The following AGBL1 variants were observed in gnomAD, a reference collection of about 807,000 sequenced individuals.
AGBL1 encodes the protein cytosolic carboxypeptidase 4.
A neutral mutation model predicts 118.9 loss-of-function variants in AGBL1; 130 were observed. That is an observed-to-expected ratio of 1.09 (90% CI 0.95 to 1.26). The LOEUF (loss-of-function observed/expected upper bound fraction) is 1.26. AGBL1 is among the 50% of genes most tolerant of loss of function. The pLI is 0.00. For missense variants in AGBL1, 1,584 were observed against 1,298.1 expected, an observed-to-expected ratio of 1.22 and a Z score of -3.38; for synonymous variants, 555 against 478.9, an observed-to-expected ratio of 1.16 and a Z score of -2.08.
At chr15:86,112,336 A>T (rs931562595) in intron 1 of AGBL1, among the ~76,000 whole-genome samples, 1 of 152,172 alleles carries the variant, frequency 6.6e-6, no homozygotes, top group African/African-American at 2.4e-5. Flanking sequence ...CTTTGCATTT[A>T]TCCGTTTATA....
chr15:86,380,905 C>A (rs2081105412), intron 17 of AGBL1, among the ~76,000 whole-genome samples: 1 of 151,700 alleles, frequency 6.6e-6, no homozygotes, highest in Admixed American at 6.6e-5. Context: ...ACTCACTACT[C>A]TTTGTTGTTC....
At chr15:86,132,060 ATTGGGGT>A (rs1373830576) in intron 1 of AGBL1, among the ~76,000 whole-genome samples, 1 of 152,152 alleles carries the variant, frequency 6.6e-6, no homozygotes. Flanking sequence ...AGCGCTTCAG[ATTGGGGT>A]AGGGAAGACC....
At chr15:86,196,888 C>A (rs2077820663) in intron 5 of AGBL1, among the ~76,000 whole-genome samples, 1 of 142,140 alleles carries the variant, frequency 7.0e-6, no homozygotes, top group African/African-American at 2.7e-5. Context: ...CGCACACACA[C>A]ACACACACAC....
chr15:86,935,610 A>G (rs2080661800), intron 23 of AGBL1, among the ~76,000 whole-genome samples: 1 of 152,152 alleles, frequency 6.6e-6, no homozygotes, highest in African/African-American at 2.4e-5. Context: ...TCTAATTGGA[A>G]CTTATTTTTC....
intron 21 of AGBL1, among the ~76,000 whole-genome samples, chr15:86,620,223 G>A (rs375999829): frequency 6.6e-6 from 1 of 152,166 alleles, no homozygotes; most frequent in Non-Finnish European, 1.5e-5. Context: ...GAGGATCAGG[G>A]CAGGAGGATT....
At chr15:86,564,381 C>T (rs1179780685) in intron 21 of AGBL1, among the ~76,000 whole-genome samples, 3 of 152,170 alleles carry the variant, frequency 2.0e-5, no homozygotes, top group Non-Finnish European at 4.4e-5. Flanking sequence ...ATTTCTCCTT[C>T]ATTTATGAAG....
chr15:86,931,762 T>A (rs1238806758), intron 23 of AGBL1, among the ~76,000 whole-genome samples: 1 of 152,224 alleles, frequency 6.6e-6, no homozygotes, highest in Admixed American at 6.5e-5. Flanking sequence ...TATTTGCTTC[T>A]TAAAACAAGC....
chr15:86,756,957 T>C (rs1488421536), intron 22 of AGBL1, among the ~76,000 whole-genome samples: 10 of 150,620 alleles, frequency 6.6e-5, no homozygotes, highest in African/African-American at 2.2e-4. Flanking sequence ...TTTTTTTTTT[T>C]CTCCCCATCC....
At chr15:86,766,408 G>A (rs1160240487) in intron 22 of AGBL1, among the ~76,000 whole-genome samples, 2 of 151,948 alleles carry the variant, frequency 1.3e-5, no homozygotes, top group African/African-American at 4.8e-5. Context: ...GGTATAAATG[G>A]AGGATTTTGT....
intron 17 of AGBL1, among the ~76,000 whole-genome samples, chr15:86,327,087 A>G (rs1317442260): frequency 6.6e-6 from 1 of 152,194 alleles, no homozygotes; most frequent in African/African-American, 2.4e-5. Context: ...GGACAGAGGT[A>G]AAGGATCAGT....
chr15:86,240,817 G>C (rs1188948967), intron 6 of AGBL1, among the ~76,000 whole-genome samples: 2 of 152,072 alleles, frequency 1.3e-5, no homozygotes, highest in African/African-American at 4.8e-5. Context: ...TATAGCTGGA[G>C]GTAATTTCTG....
intron 22 of AGBL1, among the ~76,000 whole-genome samples, chr15:86,903,217 T>G (rs1251690315): frequency 6.6e-6 from 1 of 152,068 alleles, no homozygotes; most frequent in African/African-American, 2.4e-5. Context: ...TTTATCTAGC[T>G]TTTGATATTT....
intron 20 of AGBL1, among the ~76,000 whole-genome samples, chr15:86,550,426 A>T (rs1363315621): frequency 1.3e-5 from 2 of 152,160 alleles, no homozygotes; most frequent in African/African-American, 4.8e-5. Context: ...TTAAAAGTTA[A>T]AAGATGGGAA....
chr15:86,665,250 T>C (rs765507788), intron 21 of AGBL1, among the ~76,000 whole-genome samples: 15 of 152,202 alleles, frequency 9.9e-5, no homozygotes, highest in Non-Finnish European at 1.9e-4. Context: ...ATTTTACGAT[T>C]ATTTCCTTAA....
rs188070481 is a variant in AGBL1 at position 86,737,841 on chromosome 15, T to C, written c.3158+63405T>C. On this transcript the variant is annotated intron_variant, in intron 22 of 22. Coordinates refer to ENST00000614907, the MANE Select transcript of AGBL1 (RefSeq NM_001386094.1). Reference sequence around the variant, plus strand: ...AATGTGCAGTATTTTAAAATGTAAATGGGCTTCATGAAATTAACTTTTTCT... The same window carrying C: ...AATGTGCAGTATTTTAAAATGTAAACGGGCTTCATGAAATTAACTTTTTCT... Among the ~76,000 whole-genome samples the C allele has an allele frequency of 3.6e-4, 55 of 152,318 alleles. 1 individual carries two copies. The East Asian group carries it at 0.011, about 29-fold the overall frequency.
intron 18 of AGBL1, among the ~76,000 whole-genome samples, chr15:86,407,525 C>G (rs1301048339): frequency 6.6e-6 from 1 of 152,042 alleles, no homozygotes; most frequent in African/African-American, 2.4e-5. Flanking sequence ...AAAATGTGGC[C>G]CTCCAGGTAA....
intron 17 of AGBL1, among the ~76,000 whole-genome samples, chr15:86,361,458 T>G (rs964664281): frequency 2.6e-5 from 4 of 152,222 alleles, no homozygotes; most frequent in Non-Finnish European, 4.4e-5. Context: ...TTCTGTTAGG[T>G]TCATTCAGTC....
At chr15:86,827,400 T>TAC (rs1567194629) in intron 22 of AGBL1, among the ~76,000 whole-genome samples, 1 of 8,556 alleles carries the variant, frequency 1.2e-4, no homozygotes. Flanking sequence ...TATATATACA[T>TAC]ATATATATGT....
intron 16 of AGBL1, among the ~76,000 whole-genome samples, chr15:86,287,963 A>T (rs987010222): frequency 6.6e-6 from 1 of 151,360 alleles, no homozygotes; most frequent in Non-Finnish European, 1.5e-5. Context: ...CATCCACAGA[A>T]ATATTTTCAT....
Sources: gnomAD v4.1 joint callset for allele counts (sites outside exome capture counted in the v4.1 genomes callset) on GRCh38, gnomAD v4.1.1 for gene constraint, MANE v1.5 for transcripts, NCBI Gene and HGNC (gene_info 2026-07-23, HGNC 2026-07-21) for gene names.